FABP6: variants seen among roughly 807,000 people sequenced by gnomAD.
The protein encoded by FABP6 is fatty acid binding protein 6.
In FABP6, 13 loss-of-function variants were observed where a neutral mutation model predicts 14.9. That is an observed-to-expected ratio of 0.87 (90% confidence interval 0.57 to 1.39). FABP6 has a LOEUF of 1.39. Ranked by LOEUF, FABP6 falls within the 40% of genes most tolerant of loss-of-function variation. FABP6 has a pLI of 0.00. For missense variants in FABP6, 161 were observed against 167.2 expected, an observed-to-expected ratio of 0.96 and a Z score of 0.20; for synonymous variants, 75 against 63.6, an observed-to-expected ratio of 1.18 and a Z score of -0.85.
At chr5:160,202,798 C>CAA (rs201563241) in intron 2 of FABP6, among the ~76,000 whole-genome samples, 4 of 127,828 alleles carry the variant, frequency 3.1e-5, no homozygotes, top group Non-Finnish European at 6.8e-5. Context: ...AACTCCATCT[C>CAA]AAAAAAAAAA....
In FABP6 at chr5:160,232,138, G is replaced by A. The variant is rs1393311642; in HGVS notation, c.108G>A (p.Lys36=). The change falls in exon 2 of 4, where the codon AAG becomes AAA. Residue 36 remains lysine, a synonymous_variant. Coordinates refer to ENST00000402432, the MANE Select transcript of FABP6 (RefSeq NM_001445.3). ...TAATCGAAAAGGCCCGCAACTTCAA[G>A]ATCGTCACGGAGGTGCAGCAGGATG... The part of the protein sequence containing the change: ...SDVIEKARNF[K]IVTEVQQDGQ... 6.2e-7 allele frequency: 1 copy of A among 1,613,926 alleles called. No individual in the cohort carries two copies. The highest frequency in any genetic ancestry group is 1.3e-5 in the African/African-American group (1 of 74,912).
chr5:160,199,277 G>A (rs1009056595), intron 2 of FABP6: 10 of 980,026 alleles, frequency 1.0e-5, no homozygotes, highest in Admixed American at 5.8e-5. Context: ...GCTAATAACA[G>A]ACTTGTCATG....
intron 2 of FABP6, among the ~76,000 whole-genome samples, chr5:160,205,317 CA>C (rs1163175404): frequency 0.072 from 4,789 of 66,934 alleles, 38 homozygotes; most frequent in South Asian, 0.097. Flanking sequence ...GACTTCATCT[CA>C]AAAAAAAAAA....
chr5:160,222,368 C>G (rs1273160249), intron 3 of FABP6, among the ~76,000 whole-genome samples: 1 of 152,222 alleles, frequency 6.6e-6, no homozygotes, highest in East Asian at 1.9e-4. Context: ...GAGTCTTGCT[C>G]TGTTGCCCAG....
At chr5:160,234,615 C>CG (rs1239008550) in intron 2 of FABP6, among the ~76,000 whole-genome samples, 1 of 151,896 alleles carries the variant, frequency 6.6e-6, no homozygotes, top group African/African-American at 2.4e-5. Flanking sequence ...TTAGTAGAGA[C>CG]GGGGTTTCAC....
At chr5:160,217,661 G>A (rs1277566257) in intron 3 of FABP6, among the ~76,000 whole-genome samples, 1 of 151,750 alleles carries the variant, frequency 6.6e-6, no homozygotes, top group Non-Finnish European at 1.5e-5. Context: ...TTTTTGGACA[G>A]AATCTCTCTC....
intron 3 of FABP6, among the ~76,000 whole-genome samples, chr5:160,220,058 A>G (rs1224723732): frequency 9.9e-5 from 15 of 152,224 alleles, no homozygotes; most frequent in Admixed American, 9.8e-4. Context: ...AATGAAATGC[A>G]GCTTGAGGCC....
At chr5:160,227,977 G>A (rs1006114566), upstream of FABP6, among the ~76,000 whole-genome samples, 3 of 151,872 alleles carry the variant, frequency 2.0e-5, no homozygotes, top group African/African-American at 4.8e-5. Context: ...TTCAGAGACC[G>A]CTTAGTCCCA....
chr5:160,209,356 A>G (rs72643444), intron 2 of FABP6, among the ~76,000 whole-genome samples: 10,257 of 151,990 alleles, frequency 0.067, 602 homozygotes, highest in East Asian at 0.36. Flanking sequence ...TCTCCACAAA[A>G]AAATAAAAAA....
At chr5:160,228,138 T>A (rs946512032), upstream of FABP6, among the ~76,000 whole-genome samples, 3 of 152,096 alleles carry the variant, frequency 2.0e-5, no homozygotes, top group Non-Finnish European at 4.4e-5. Flanking sequence ...ACGTCTGTAA[T>A]CCCAGCACTT....
intron 1 of FABP6, among the ~76,000 whole-genome samples, chr5:160,196,433 G>T (rs1253629667): frequency 6.6e-6 from 1 of 152,224 alleles, no homozygotes; most frequent in Non-Finnish European, 1.5e-5. Context: ...GTTAGGGAAG[G>T]CTTTCCTGGG....
At chr5:160,213,842 G>T (rs765913973) in intron 3 of FABP6, 4 of 1,595,460 alleles carry the variant, frequency 2.5e-6, no homozygotes, top group Non-Finnish European at 3.4e-6. Context: ...AGAAGGGAGG[G>T]AAGGGTTCCT....
rs762811726 is a variant in FABP6 at position 160,232,141 on chromosome 5, C to T, written c.111C>T (p.Ile37=). 137 of 1,613,908 alleles carry T rather than the reference C, an allele frequency of 8.5e-5. No homozygotes were observed. Among genetic ancestry groups the T allele is most frequent in the South Asian group, 7.7e-5 (7 of 91,040 alleles). The change falls in exon 2 of 4, where the codon ATC becomes ATT. Residue 37 remains isoleucine, a synonymous_variant. Transcript: ENST00000402432. ...TCGAAAAGGCCCGCAACTTCAAGAT[C>T]GTCACGGAGGTGCAGCAGGATGGGC... is the stretch of plus-strand genomic sequence containing the variant. ...DVIEKARNFK[I]VTEVQQDGQD... is the part of the protein sequence containing the mutation.
chr5:160,205,317 CAAAAAA>C (rs1163175404), intron 2 of FABP6, among the ~76,000 whole-genome samples: 3 of 67,088 alleles, frequency 4.5e-5, no homozygotes, highest in Non-Finnish European at 8.0e-5. Context: ...GACTTCATCT[CAAAAAA>C]AAAAAAAAAA....
At chr5:160,209,805 C>T (rs1561746621) in intron 2 of FABP6, among the ~76,000 whole-genome samples, 1 of 152,164 alleles carries the variant, frequency 6.6e-6, no homozygotes, top group Non-Finnish European at 1.5e-5. Context: ...CCAGCCTTGG[C>T]CTCTCAAAGT....
At chr5:160,218,460 A>ATTT (rs1580913982) in intron 3 of FABP6, among the ~76,000 whole-genome samples, 2 of 39,356 alleles carry the variant, frequency 5.1e-5, no homozygotes. Flanking sequence ...TTAGTCTTTG[A>ATTT]CTTTTTTTTT....
chr5:160,188,254 T>A (rs925730992), intron 1 of FABP6, among the ~76,000 whole-genome samples: 1 of 152,106 alleles, frequency 6.6e-6, no homozygotes, highest in Non-Finnish European at 1.5e-5. Context: ...CGATTCCTTA[T>A]CAGCTACAAG....
At chr5:160,236,456 C>T (rs992372410) in intron 3 of FABP6, among the ~76,000 whole-genome samples, 12 of 152,112 alleles carry the variant, frequency 7.9e-5, no homozygotes, top group East Asian at 7.7e-4. Flanking sequence ...GGGGGACACA[C>T]GCGCAGTCCA....
intron 1 of FABP6, among the ~76,000 whole-genome samples, chr5:160,192,302 C>T (rs1759411000): frequency 6.7e-6 from 1 of 150,076 alleles, no homozygotes; most frequent in South Asian, 2.1e-4. Flanking sequence ...GCTGATACTA[C>T]AGGCTCATAC....
Sources: gnomAD v4.1 joint callset for allele counts (sites outside exome capture counted in the v4.1 genomes callset) on GRCh38, gnomAD v4.1.1 for gene constraint, MANE v1.5 for transcripts, NCBI Gene and HGNC (gene_info 2026-07-23, HGNC 2026-07-21) for gene names.